Variants in MEF2D observed in about 807,000 individuals in gnomAD.
MEF2D encodes the protein myocyte enhancer factor 2D.
In MEF2D, 10 loss-of-function variants were observed where a neutral mutation model predicts 59.3. That is an observed-to-expected ratio of 0.17 (90% CI 0.10 to 0.29). The LOEUF (loss-of-function observed/expected upper bound fraction) is 0.29. Among genes scored for constraint, MEF2D ranks in the 10% least tolerant of loss-of-function variants. MEF2D has a pLI of 1.00. For synonymous variants in MEF2D, 305 were observed against 295.0 expected, an observed-to-expected ratio of 1.03 and a Z score of -0.35; for missense variants, 508 against 699.4, an observed-to-expected ratio of 0.73 and a Z score of 3.09.
intron 9 of MEF2D, among the ~76,000 whole-genome samples, chr1:156,473,024 CT>C (rs971272970): frequency 1.4e-3 from 191 of 135,574 alleles, no homozygotes; most frequent in Admixed American, 2.1e-3. Flanking sequence ...TATGTTTGAA[CT>C]TTTTTTTTTT....
At position 156,483,287 on chromosome 1, in the gene MEF2D, C is replaced by T. The variant is rs774644814; in HGVS notation, c.6G>A (p.Gly2=). The T allele has an allele frequency of 6.2e-7, 1 of 1,614,134 alleles. No homozygotes were observed. Among genetic ancestry groups the T allele is most frequent in the Non-Finnish European group, 8.5e-7 (1 of 1,180,016 alleles). The change falls in exon 2 of 12, where the codon GGG becomes GGA. Residue 2 remains glycine (G), a synonymous_variant. Coordinates refer to ENST00000348159, the MANE Select transcript of MEF2D (RefSeq NM_005920.4). The part of the protein sequence containing the change: M[G]RKKIQIQRIT... Reference sequence around the variant, plus strand: ...TTCGCTGGATCTGAATCTTTTTCCTCCCCATCTTCTCCGGGGGTCCTCAGT... The same window carrying T: ...TTCGCTGGATCTGAATCTTTTTCCTTCCCATCTTCTCCGGGGGTCCTCAGT...
At chr1:156,495,535 G>A (rs562294494) in intron 1 of MEF2D, among the ~76,000 whole-genome samples, 295 of 152,004 alleles carry the variant, frequency 1.9e-3, no homozygotes, top group Middle Eastern at 0.01. Context: ...GGCGGGGCAC[G>A]ATGGCTCACA....
chr1:156,483,527 GC>G, intron 1 of MEF2D, 97 bp from the exon 2 acceptor site: 1 of 573,212 alleles, frequency 1.7e-6, no homozygotes, highest in Non-Finnish European at 3.1e-6. Context: ...CCTGTGAGAG[GC>G]TGGCAGCATC....
chr1:156,498,121 A>C (rs1303737810), intron 1 of MEF2D, among the ~76,000 whole-genome samples: 3 of 150,984 alleles, frequency 2.0e-5, no homozygotes, highest in South Asian at 2.1e-4. Context: ...AAAAAAAAAA[A>C]AAAAAACCCT....
At chr1:156,496,462 G>T (rs1673138420) in intron 1 of MEF2D, among the ~76,000 whole-genome samples, 1 of 152,112 alleles carries the variant, frequency 6.6e-6, no homozygotes, top group South Asian at 2.1e-4. Context: ...AGGGGTAAGG[G>T]GCAGGGATGG....
rs1671064636 is a variant in MEF2D, at chr1:156,469,083, G to A, written c.1007-63C>T. ...GGAGAGCACACAGGCTCCTATGAGGGAGCTGCCTCCAGGAGGACTGTGGGG... is the reference window on the plus strand; with the variant it reads ...GGAGAGCACACAGGCTCCTATGAGGAAGCTGCCTCCAGGAGGACTGTGGGG... On this transcript the variant is annotated intron_variant, in intron 9 of 11. Coordinates refer to ENST00000348159, the MANE Select transcript of MEF2D (RefSeq NM_005920.4). The A allele has an allele frequency of 4.0e-5, 62 of 1,538,666 alleles. 1 individual carries two copies. The highest frequency in any genetic ancestry group is 5.3e-5 in the Non-Finnish European group (60 of 1,137,554).
rs1446143288 is a variant in MEF2D, at chr1:156,486,598, A to G, written c.-138-3168T>C. Reference sequence around the variant, plus strand: ...TAACCTCTGTCAGCTGATGACCAATACTGCCTCTTCCTCCAAACTGGAAGA... The same window carrying G: ...TAACCTCTGTCAGCTGATGACCAATGCTGCCTCTTCCTCCAAACTGGAAGA... On this transcript the variant is annotated intron_variant, in intron 1 of 11. Coordinates refer to ENST00000348159, the MANE Select transcript of MEF2D (RefSeq NM_005920.4). 3.3e-5 allele frequency among the ~76,000 whole-genome samples: 5 copies of G among 152,138 alleles called. No individual in the cohort carries two copies. In the East Asian group the frequency reaches 9.6e-4, roughly 29 times the overall value.
intron 9 of MEF2D, among the ~76,000 whole-genome samples, chr1:156,473,395 C>G (rs1480554457): frequency 6.6e-6 from 1 of 152,102 alleles, no homozygotes; most frequent in Non-Finnish European, 1.5e-5. Context: ...CTCTGGGAGG[C>G]TTGGGGAAGG....
In MEF2D at chr1:156,468,491, A is replaced by T. The variant is rs1671012968; in HGVS notation, c.1248-192T>A. The stretch of plus-strand genomic sequence containing the variant: ...GTCGAATGAAGGGAAGAGAAGGGAA[A>T]TAAGAAATATTAGTTCTCTTTCCAT... On this transcript the variant is annotated intron_variant, in intron 10 of 11. Coordinates refer to ENST00000348159, the MANE Select transcript of MEF2D (RefSeq NM_005920.4). This position sits in a 1 kb window ranked among gnomAD's most constrained non-coding sequence, Gnocchi z 4.3. 6.6e-6 allele frequency among the ~76,000 whole-genome samples: 1 copy of T among 152,030 alleles called. No individual in the cohort carries two copies. Among genetic ancestry groups the T allele is most frequent in the African/African-American group, 2.4e-5 (1 of 41,380 alleles).
At position 156,468,201 on chromosome 1, in the gene MEF2D, C is replaced by G; in HGVS notation, c.1346G>C (p.Arg449Pro). The part of the protein sequence containing the change: ...KSEPVSPSRE[R>P]SPAPPPPAVF... ...AGCTGGAGGGGGAGGCGCAGGGCTG[C>G]GCTCACGGCTTGGGGACACCGGTTC... is the stretch of plus-strand genomic sequence containing the variant. Residue 449 changes from arginine (R) to proline (P), a missense_variant, in exon 11 of 12, where the codon CGC (arginine) becomes CCC (proline). Arg to Pro is a moderately radical substitution (Grantham distance 103, BLOSUM62 -2). This residue lies in a region of MEF2D where 481 missense variants were observed against 584.7 expected (regional missense o/e 0.82). Coordinates refer to ENST00000348159, the MANE Select transcript of MEF2D (RefSeq NM_005920.4). This position sits in a 1 kb window ranked among gnomAD's most constrained non-coding sequence, Gnocchi z 4.3. 6.2e-7 allele frequency: 1 copy of G among 1,613,362 alleles called. No individual in the cohort carries two copies. The highest frequency in any genetic ancestry group is 8.5e-7 in the Non-Finnish European group (1 of 1,179,606).
rs989227485 is a variant in MEF2D, at chr1:156,481,028, G to A, written c.259-57C>T. On this transcript the variant is annotated intron_variant, in intron 3 of 11. Coordinates refer to ENST00000348159, the MANE Select transcript of MEF2D (RefSeq NM_005920.4). ...AGAGTCCTTCCCGCCCGCCTCGCTG[G>A]AGTTCCTTCCAGCCCCTCCCTAAGG... 3 of 1,606,280 alleles carry A rather than the reference G, an allele frequency of 1.9e-6. No homozygotes were observed. The African/African-American group carries it at 4.0e-5, about 21-fold the overall frequency.
At chr1:156,470,480 A>G (rs1671167601) in intron 9 of MEF2D, among the ~76,000 whole-genome samples, 1 of 152,070 alleles carries the variant, frequency 6.6e-6, no homozygotes, top group South Asian at 2.1e-4. Context: ...GTACTGTGGT[A>G]GTGGGAGTGC....
At chr1:156,474,382 G>C (rs1437173743) in intron 9 of MEF2D, among the ~76,000 whole-genome samples, 2 of 151,852 alleles carry the variant, frequency 1.3e-5, no homozygotes, top group Non-Finnish European at 2.9e-5. Flanking sequence ...CCAGGAAGAA[G>C]AGGTTGCAGT....
At chr1:156,480,802 G>C in intron 4 of MEF2D, 32 bp downstream of exon 4, 1 of 1,592,106 alleles carries the variant, frequency 6.3e-7, no homozygotes, top group South Asian at 1.1e-5. Flanking sequence ...CCGGAAGGGG[G>C]GGCCAACAGA....
intron 11 of MEF2D, 58 bp downstream of exon 11, chr1:156,467,935 C>T (rs1363685642): frequency 2.1e-5 from 32 of 1,551,362 alleles, no homozygotes; most frequent in Middle Eastern, 3.4e-4. Context: ...AGGGGGCACG[C>T]GGGGCAGTCC....
chr1:156,480,539 C>A, intron 4 of MEF2D: 3 of 1,228,158 alleles, frequency 2.4e-6, no homozygotes, highest in Non-Finnish European at 3.3e-6. Context: ...TCACTAAGAA[C>A]CCGAGCATGG....
chr1:156,477,894 T>A (rs1271344723), intron 6 of MEF2D, among the ~76,000 whole-genome samples: 1 of 152,264 alleles, frequency 6.6e-6, no homozygotes, highest in Non-Finnish European at 1.5e-5. Flanking sequence ...GTAATAACTA[T>A]CTTTTATATC....
chr1:156,475,358 C>T (rs1256901881), intron 8 of MEF2D, 121 bp from the exon 9 acceptor site: 18 of 1,183,982 alleles, frequency 1.5e-5, no homozygotes, highest in Admixed American at 1.2e-4. Flanking sequence ...TGCCTTAGCA[C>T]GGAGGCCCCC....
intron 1 of MEF2D, among the ~76,000 whole-genome samples, chr1:156,485,966 C>T (rs528113785): frequency 6.6e-6 from 1 of 152,124 alleles, no homozygotes; most frequent in South Asian, 2.1e-4. Flanking sequence ...TCTCCTGCCT[C>T]GGCCTCCCAA....
Sources: allele counts gnomAD v4.1 joint callset (sites outside exome capture counted in the v4.1 genomes callset), GRCh38; gene constraint gnomAD v4.1.1; regional missense constraint gnomAD v4.1.1; non-coding constraint Gnocchi (gnomAD v3.1); transcripts MANE v1.5; gene names NCBI Gene and HGNC (gene_info 2026-07-23, HGNC 2026-07-21).